Variants in RBFOX1 observed in about 807,000 individuals in gnomAD.
RBFOX1 encodes RNA binding fox-1 homolog 1, also known as RNA binding protein fox-1 homolog 1.
RBFOX1 carries 8 observed loss-of-function variants against 57.7 expected under a neutral mutation model. That is an observed-to-expected ratio of 0.14 (90% confidence interval 0.08 to 0.25). The LOEUF is 0.25. Ranked by LOEUF, RBFOX1 falls within the 10% of genes least tolerant of loss-of-function variation. RBFOX1 has a pLI of 1.00. For missense variants in RBFOX1, 611 were observed against 548.5 expected, an observed-to-expected ratio of 1.11 and a Z score of -1.14; for synonymous variants, 326 against 222.4, an observed-to-expected ratio of 1.47 and a Z score of -4.15.
intron 10 of RBFOX1, among the ~76,000 whole-genome samples, chr16:7,625,342 T>C (rs867297427): frequency 1.3e-5 from 2 of 152,176 alleles, no homozygotes; most frequent in Non-Finnish European, 1.5e-5. Flanking sequence ...CAGTCTTTTC[T>C]GTTATAAAAG....
chr16:6,428,450 T>A (rs1022382609), intron 2 of RBFOX1, among the ~76,000 whole-genome samples: 4 of 152,174 alleles, frequency 2.6e-5, no homozygotes, highest in Admixed American at 1.3e-4. Context: ...AGTTTATTTA[T>A]ATTGTAATTT....
chr16:7,218,141 C>A (rs12924675), intron 4 of RBFOX1, among the ~76,000 whole-genome samples: 76 of 152,082 alleles, frequency 5.0e-4, no homozygotes, highest in Admixed American at 9.2e-4. Context: ...CTGAATCATC[C>A]CACCTTGCTG....
intron 5 of RBFOX1, among the ~76,000 whole-genome samples, chr16:7,528,831 G>C (rs2079294543): frequency 6.6e-6 from 1 of 152,186 alleles, no homozygotes; most frequent in Non-Finnish European, 1.5e-5. Flanking sequence ...AAAAGAAGTT[G>C]GCTATTCTCT....
intron 4 of RBFOX1, among the ~76,000 whole-genome samples, chr16:7,089,221 AG>A (rs1293231362): frequency 6.6e-6 from 1 of 152,310 alleles, no homozygotes; most frequent in East Asian, 1.9e-4. Flanking sequence ...TTTCAGGGCA[AG>A]TTTTCTCTTC....
At chr16:7,094,624 T>A (rs2151192255) in intron 4 of RBFOX1, among the ~76,000 whole-genome samples, 1 of 97,002 alleles carries the variant, frequency 1.0e-5, no homozygotes, top group African/African-American at 4.4e-5. Context: ...GCATTTCTTT[T>A]GAAGTTTTTT....
At chr16:6,335,792 A>G (rs1187944157) in intron 2 of RBFOX1, among the ~76,000 whole-genome samples, 1 of 138,460 alleles carries the variant, frequency 7.2e-6, no homozygotes, top group African/African-American at 2.9e-5. Flanking sequence ...AAAAAAAAAG[A>G]AAAAAAAAAG....
intron 2 of RBFOX1, among the ~76,000 whole-genome samples, chr16:6,351,415 C>T (rs1288548250): frequency 1.5e-5 from 2 of 132,120 alleles, no homozygotes; most frequent in Non-Finnish European, 3.1e-5. Context: ...CTCTTGTTGC[C>T]CAGGCTGGAG....
intron 3 of RBFOX1, among the ~76,000 whole-genome samples, chr16:5,818,921 C>A (rs1206409283): frequency 6.6e-6 from 1 of 152,224 alleles, no homozygotes. Context: ...TTTGACTCAT[C>A]TCTTTCCCTT....
chr16:7,443,608 T>C (rs898634049), intron 4 of RBFOX1, among the ~76,000 whole-genome samples: 3 of 152,198 alleles, frequency 2.0e-5, no homozygotes, highest in Non-Finnish European at 4.4e-5. Context: ...ATTTCATTAA[T>C]AGAGTTCAAT....
chr16:6,070,971 G>T (rs2095829955), intron 1 of RBFOX1, among the ~76,000 whole-genome samples: 1 of 152,060 alleles, frequency 6.6e-6, no homozygotes, highest in African/African-American at 2.4e-5. Flanking sequence ...TTTGATTAGT[G>T]AGCATTTTCT....
chr16:7,255,510 C>T (rs1444574475), intron 4 of RBFOX1, among the ~76,000 whole-genome samples: 1 of 152,118 alleles, frequency 6.6e-6, no homozygotes, highest in Non-Finnish European at 1.5e-5. Flanking sequence ...GGCAAGATGT[C>T]CAGCTTATAT....
At chr16:6,573,491 C>G (rs114430655) in intron 2 of RBFOX1, among the ~76,000 whole-genome samples, 5,172 of 152,254 alleles carry the variant, frequency 0.034, 296 homozygotes, top group African/African-American at 0.12. Flanking sequence ...TCAGGAAGGG[C>G]TTTAAAAAAT....
chr16:7,185,875 A>T (rs951272816), intron 4 of RBFOX1, among the ~76,000 whole-genome samples: 1 of 152,202 alleles, frequency 6.6e-6, no homozygotes, highest in African/African-American at 2.4e-5. Context: ...CCTAGATAAC[A>T]ACAAACCCAA....
intron 2 of RBFOX1, among the ~76,000 whole-genome samples, chr16:6,373,350 G>A (rs13338812): frequency 0.49 from 71,070 of 144,992 alleles, 15,531 homozygotes; most frequent in Middle Eastern, 0.57. Context: ...AGATTCGGCG[G>A]AAGAGTATAG....
chr16:6,295,112 T>TG (rs1567872123), intron 1 of RBFOX1, among the ~76,000 whole-genome samples: 22 of 148,468 alleles, frequency 1.5e-4, no homozygotes, highest in South Asian at 4.4e-4. Context: ...TTTTTTTTTT[T>TG]TTTTTTTTTT....
At chr16:7,168,982 C>G (rs1359029917) in intron 4 of RBFOX1, among the ~76,000 whole-genome samples, 1 of 152,112 alleles carries the variant, frequency 6.6e-6, no homozygotes, top group South Asian at 2.1e-4. Context: ...TTCTGATACT[C>G]TAATTAAGAG....
chr16:6,743,921 G>A (rs1298241657), intron 3 of RBFOX1, among the ~76,000 whole-genome samples: 3 of 150,824 alleles, frequency 2.0e-5, no homozygotes, highest in African/African-American at 4.9e-5. Flanking sequence ...GATATATACA[G>A]TAAATGATTT....
intron 2 of RBFOX1, among the ~76,000 whole-genome samples, chr16:6,584,135 T>G (rs2097573660): frequency 6.6e-6 from 1 of 151,904 alleles, no homozygotes; most frequent in African/African-American, 2.4e-5. Flanking sequence ...TAATGTATTC[T>G]GTGTTCCTAT....
chr16:7,287,240 G>T (rs1323098711), intron 4 of RBFOX1, among the ~76,000 whole-genome samples: 4 of 152,206 alleles, frequency 2.6e-5, no homozygotes, highest in African/African-American at 7.2e-5. Context: ...GTAAAGACAA[G>T]CAGTCCTCAT....
Sources: allele counts gnomAD v4.1 joint callset (sites outside exome capture counted in the v4.1 genomes callset), GRCh38; gene constraint gnomAD v4.1.1; transcripts MANE v1.5; gene names NCBI Gene and HGNC (gene_info 2026-07-23, HGNC 2026-07-21).